SERPINB7: variants seen among roughly 807,000 people sequenced by gnomAD.
SERPINB7 encodes serpin B7.
A neutral mutation model predicts 37.4 loss-of-function variants in SERPINB7; 31 were observed. The ratio of observed to expected loss-of-function variants is 0.83; its 90% CI spans 0.62 to 1.12. The LOEUF (loss-of-function observed/expected upper bound fraction) is 1.12, where lower values mean the gene tolerates loss of function less well. SERPINB7 is among the 50% of genes most tolerant of loss of function. The pLI is 0.00. For missense variants in SERPINB7, 521 were observed against 455.3 expected, an observed-to-expected ratio of 1.14 and a Z score of -1.31; for synonymous variants, 163 against 166.1, an observed-to-expected ratio of 0.98 and a Z score of 0.14.
At chr18:63,760,775 T>C (rs2049149057) in intron 1 of SERPINB7, among the ~76,000 whole-genome samples, 1 of 152,170 alleles carries the variant, frequency 6.6e-6, no homozygotes, top group Non-Finnish European at 1.5e-5. Flanking sequence ...GCAGCTTCCA[T>C]GTGGTGTTGA....
chr18:63,800,957 G>T lies in SERPINB7; in HGVS notation c.689G>T (p.Arg230Ile). The T allele has an allele frequency of 6.2e-7, 1 of 1,614,012 alleles. No individual in the cohort carries two copies. Among genetic ancestry groups the T allele is most frequent in the East Asian group, 2.2e-5 (1 of 44,876 alleles). Residue 230 changes from arginine to isoleucine, a missense_variant, in exon 7 of 8, where the codon AGA becomes ATA. Arg to Ile is a moderately conservative substitution (Grantham distance 97, BLOSUM62 -3). Coordinates refer to ENST00000398019, the MANE Select transcript of SERPINB7 (RefSeq NM_003784.4). ...CCATCAATGAAGATTCTTGAGCTCA[G>T]ATACAATGGTGGCATAAACATGTAC... ...EDPSMKILEL[R>I]YNGGINMYVL...
chr18:63,767,687 ATAAATGAGCTGG>A (rs1467188483), intron 1 of SERPINB7, among the ~76,000 whole-genome samples: 17 of 152,060 alleles, frequency 1.1e-4, no homozygotes, highest in Non-Finnish European at 2.2e-4. Flanking sequence ...TTTCCAGCTC[ATAAATGAGCTGG>A]AAACTGTTAT....
At chr18:63,753,694 G>A (rs2049104783) in intron 1 of SERPINB7, among the ~76,000 whole-genome samples, 1 of 152,110 alleles carries the variant, frequency 6.6e-6, no homozygotes, top group African/African-American at 2.4e-5. Flanking sequence ...TTCCCTAAAA[G>A]GTCTTCTATG....
rs1457506048 is a variant in SERPINB7, at chr18:63,764,475, T to C, written c.-19+11355T>C. On this transcript the variant is annotated intron_variant, in intron 1 of 7. Coordinates refer to the SERPINB7 transcript ENST00000336429. The stretch of plus-strand genomic sequence containing the variant: ...CTGAGTGGAGAGTCAAGAGGAAACT[T>C]CTCACTCATCTCTCAGGAGGGGCTG... 3.3e-5 allele frequency among the ~76,000 whole-genome samples: 5 copies of C among 152,158 alleles called. No homozygotes were observed. In the East Asian group the frequency reaches 9.6e-4, roughly 29 times the overall value.
Position 63,800,876 on chromosome 18 carries a change from A to G in SERPINB7, c.608A>G (p.Lys203Arg), listed in dbSNP as rs1327881102. 3 of 1,613,518 alleles carry G rather than the reference A, an allele frequency of 1.9e-6. No homozygotes were observed. The highest frequency in any genetic ancestry group is 3.3e-5 in the Admixed American group (2 of 59,946). ...TGACTTGACTTTCAGTGCTCTGGGA[A>G]GGCAGTCGCCATGATGCATCAGGAA... is the stretch of plus-strand genomic sequence containing the variant. ...CHFKSPKCSG[K>R]AVAMMHQERK... Residue 203 changes from lysine (K) to arginine (R), a missense_variant, in exon 7 of 8, where the codon AAG becomes AGG. Lys to Arg is a conservative substitution (Grantham distance 26). Coordinates refer to ENST00000398019, the MANE Select transcript of SERPINB7 (RefSeq NM_003784.4).
At chr18:63,801,117 A>G (rs1164390270) in intron 7 of SERPINB7, 105 bp downstream of exon 7, 6 of 1,098,190 alleles carry the variant, frequency 5.5e-6, no homozygotes, top group African/African-American at 1.6e-5. Flanking sequence ...TTGAGATACT[A>G]GAGACTTACC....
At position 63,804,334 on chromosome 18, in the gene SERPINB7, T is replaced by C. The variant is rs762536319; in HGVS notation, c.842T>C (p.Ile281Thr). Residue 281 changes from isoleucine to threonine, a missense_variant, in exon 8 of 8, where the codon ATA becomes ACA. By Grantham distance (89) the Ile-to-Thr change is moderately conservative. Transcript: ENST00000398019. ...GAGGTATTTTTTCCTCAGTTCAAGA[T>C]AGAGAAGAATTATGAAATGAAACAA... is the stretch of plus-strand genomic sequence containing the variant. ...YVEVFFPQFKIEKNYEMKQYL... is the reference protein window; with the variant it reads ...YVEVFFPQFKTEKNYEMKQYL... 12 of 1,613,484 alleles carry C rather than the reference T, an allele frequency of 7.4e-6. No homozygotes were observed. In the African/African-American group the frequency reaches 9.3e-5, roughly 13 times the overall value.
intron 2 of SERPINB7, among the ~76,000 whole-genome samples, chr18:63,787,405 C>G (rs1318440098): frequency 6.6e-6 from 1 of 151,976 alleles, no homozygotes; most frequent in Non-Finnish European, 1.5e-5. Flanking sequence ...AAATTCATAT[C>G]AAAAGAGAGT....
Position 63,769,803 on chromosome 18 carries a change from C to G in SERPINB7, c.-18-12552C>G, listed in dbSNP as rs148748492. 2.6e-5 allele frequency among the ~76,000 whole-genome samples: 4 copies of G among 152,112 alleles called. No homozygotes were observed. In the East Asian group the frequency reaches 7.8e-4, roughly 30 times the overall value. On this transcript the variant is annotated intron_variant, in intron 1 of 7. Transcript: ENST00000336429. Reference sequence around the variant, plus strand: ...CAGATTAATGGAACAGTGGTGAACTCAGGACTTCATATACAAATTTAAATC... The same window carrying G: ...CAGATTAATGGAACAGTGGTGAACTGAGGACTTCATATACAAATTTAAATC...
chr18:63,785,585 A>G (rs563227779), intron 2 of SERPINB7, among the ~76,000 whole-genome samples: 1 of 152,084 alleles, frequency 6.6e-6, no homozygotes, highest in Non-Finnish European at 1.5e-5. Context: ...TTACTTGATT[A>G]AAGTCAAGAA....
intron 4 of SERPINB7, among the ~76,000 whole-genome samples, chr18:63,794,903 A>C (rs1236379329): frequency 6.6e-6 from 1 of 152,178 alleles, no homozygotes; most frequent in Non-Finnish European, 1.5e-5. Flanking sequence ...ATTAGGATGA[A>C]AATCCTATAA....
intron 1 of SERPINB7, among the ~76,000 whole-genome samples, chr18:63,755,880 T>G (rs906118): frequency 6.6e-6 from 1 of 152,258 alleles, no homozygotes; most frequent in East Asian, 1.9e-4. Context: ...GGTAACAAAG[T>G]GAGACCCTGT....
At chr18:63,787,927 C>T (rs1477484362) in intron 2 of SERPINB7, among the ~76,000 whole-genome samples, 4 of 152,150 alleles carry the variant, frequency 2.6e-5, no homozygotes, top group Non-Finnish European at 4.4e-5. Flanking sequence ...TTGCAGCCAT[C>T]ATAATATCAT....
intron 1 of SERPINB7, among the ~76,000 whole-genome samples, chr18:63,770,069 T>C (rs912399048): frequency 2.9e-4 from 43 of 149,020 alleles, no homozygotes; most frequent in African/African-American, 1.1e-3. Flanking sequence ...TTGCTTAGTG[T>C]AGAGTGGGAT....
intron 2 of SERPINB7, among the ~76,000 whole-genome samples, chr18:63,791,704 G>A (rs1386076951): frequency 1.3e-5 from 2 of 151,974 alleles, no homozygotes; most frequent in Non-Finnish European, 2.9e-5. Context: ...TCTACCTCCT[G>A]GGTTCACGCC....
intron 1 of SERPINB7, among the ~76,000 whole-genome samples, chr18:63,764,351 T>C (rs2049169464): frequency 6.6e-6 from 1 of 152,238 alleles, no homozygotes; most frequent in Admixed American, 6.5e-5. Context: ...CTAATTCATA[T>C]TCAAATAAAC....
chr18:63,754,924 G>A (rs2049112632), intron 1 of SERPINB7, among the ~76,000 whole-genome samples: 2 of 111,026 alleles, frequency 1.8e-5, no homozygotes, highest in Admixed American at 1.5e-4. Context: ...ACGGAGTCTC[G>A]CTCTGTCGCC....
intron 5 of SERPINB7, among the ~76,000 whole-genome samples, chr18:63,797,101 A>T (rs934800637): frequency 1.8e-4 from 27 of 152,210 alleles, no homozygotes; most frequent in Non-Finnish European, 2.5e-4. Context: ...TGCAAAGCAA[A>T]TAAAGAAATT....
chr18:63,766,805 A>G lies in SERPINB7; in HGVS notation c.-19+13685A>G, dbSNP rs538232765. 2.0e-5 allele frequency among the ~76,000 whole-genome samples: 3 copies of G among 152,218 alleles called. No homozygotes were observed. In the East Asian group the frequency reaches 5.8e-4, roughly 29 times the overall value. ...ACTATCTGTCTGACATTACCATCTAAAGGCTGCTCAAACCATTATCAAAAC... is the reference window on the plus strand; with the variant it reads ...ACTATCTGTCTGACATTACCATCTAGAGGCTGCTCAAACCATTATCAAAAC... On this transcript the variant is annotated intron_variant, in intron 1 of 7. Coordinates refer to the SERPINB7 transcript ENST00000336429.
Sources: allele counts gnomAD v4.1 joint callset (sites outside exome capture counted in the v4.1 genomes callset), GRCh38; gene constraint gnomAD v4.1.1; transcripts MANE v1.5; gene names NCBI Gene and HGNC (gene_info 2026-07-23, HGNC 2026-07-21).